The following STXBP4 variants were observed in gnomAD, a reference collection of about 807,000 sequenced individuals.
The protein encoded by STXBP4 is syntaxin binding protein 4.
Under a neutral mutation model 76.1 loss-of-function variants are expected in STXBP4, and 55 were observed. That is an observed-to-expected ratio of 0.72 (90% CI 0.58 to 0.91). The LOEUF (loss-of-function observed/expected upper bound fraction) is 0.91, where lower values mean the gene tolerates loss of function less well. STXBP4 is among the 40% of genes least tolerant of loss of function. The probability of loss-of-function intolerance (pLI) is 0.00; values close to 1 mark genes in which losing one functional copy is unlikely to be tolerated. For missense variants in STXBP4, 618 were observed against 636.9 expected (o/e 0.97, Z 0.32); for synonymous variants, 201 against 220.2 (o/e 0.91, Z 0.77).
chr17:55,061,306 G>C (rs1192348481), intron 12 of STXBP4, among the ~76,000 whole-genome samples: 1 of 152,162 alleles, frequency 6.6e-6, no homozygotes, highest in African/African-American at 2.4e-5. Flanking sequence ...TTTAAAGATT[G>C]TGTTTCTTGT....
At chr17:54,994,060 G>T (rs369826385) in intron 4 of STXBP4, among the ~76,000 whole-genome samples, 25 of 152,194 alleles carry the variant, frequency 1.6e-4, no homozygotes, top group African/African-American at 6.0e-4. Flanking sequence ...GTTCAAATAT[G>T]GGATATTATG....
intron 10 of STXBP4, among the ~76,000 whole-genome samples, chr17:55,038,256 T>C (rs1318546883): frequency 6.6e-6 from 1 of 152,144 alleles, no homozygotes; most frequent in Non-Finnish European, 1.5e-5. Context: ...GTGTCTCACA[T>C]GGAATCACCA....
At chr17:54,986,365 G>A (rs562029499) in intron 3 of STXBP4, 99 bp downstream of exon 3, 48 of 869,912 alleles carry the variant, frequency 5.5e-5, no homozygotes, top group Non-Finnish European at 7.9e-5. Flanking sequence ...GCTCTCTAAT[G>A]TGGTCTAGGA....
intron 16 of STXBP4, among the ~76,000 whole-genome samples, chr17:55,110,298 T>A (rs1228599540): frequency 3.3e-5 from 5 of 152,228 alleles, no homozygotes; most frequent in Non-Finnish European, 7.3e-5. Context: ...ATCTACAACC[T>A]TAATTTTCCT....
intron 7 of STXBP4, among the ~76,000 whole-genome samples, chr17:55,003,331 TTAAG>T (rs1272842364): frequency 1.3e-5 from 2 of 152,140 alleles, no homozygotes; most frequent in African/African-American, 4.8e-5. Context: ...AAAAATATAT[TTAAG>T]TAAGTTATAG....
In STXBP4 at chr17:54,990,860, A is replaced by G; in HGVS notation, c.83A>G (p.Glu28Gly). The change falls in exon 4 of 18, where the codon GAA (glutamate) becomes GGA (glycine). Residue 28 changes from glutamate (E) to glycine (G), a missense_variant. Transcript: ENST00000376352. ...PAFQMITIAK[E>G]TGLGLKVLGG... ...TTTCAGATGATTACAATTGCCAAGG[A>G]AACAGGCCTTGGCCTGAAGGTACTA... The G allele has an allele frequency of 1.2e-6, 2 of 1,604,948 alleles. No homozygotes were observed. Among genetic ancestry groups the G allele is most frequent in the South Asian group, 1.1e-5 (1 of 89,198 alleles).
intron 8 of STXBP4, among the ~76,000 whole-genome samples, chr17:55,025,716 A>G (rs2078399481): frequency 6.6e-6 from 1 of 152,232 alleles, no homozygotes; most frequent in Non-Finnish European, 1.5e-5. Context: ...GTTCCTTCCT[A>G]ACATCAGGAA....
At chr17:54,982,153 A>G (rs927684112) in intron 1 of STXBP4, among the ~76,000 whole-genome samples, 17 of 152,192 alleles carry the variant, frequency 1.1e-4, no homozygotes, top group African/African-American at 4.1e-4. Flanking sequence ...AATATTTACT[A>G]TAATTTCTGG....
chr17:55,096,287 C>A (rs1402480560), intron 16 of STXBP4, among the ~76,000 whole-genome samples: 1 of 152,136 alleles, frequency 6.6e-6, no homozygotes. Flanking sequence ...TCCTAAGTAG[C>A]TGGAACTGCA....
At chr17:55,178,573 C>G (rs1403430220), downstream of STXBP4, among the ~76,000 whole-genome samples, 1 of 152,122 alleles carries the variant, frequency 6.6e-6, no homozygotes, top group South Asian at 2.1e-4. Flanking sequence ...TCCAGAGAAC[C>G]AATAGGAGAT....
intron 16 of STXBP4, among the ~76,000 whole-genome samples, chr17:55,139,610 T>A (rs2080072624): frequency 6.6e-6 from 1 of 152,132 alleles, no homozygotes; most frequent in Non-Finnish European, 1.5e-5. Flanking sequence ...CTACTTGAAC[T>A]GGTGCAGCAG....
the STXBP4 span, among the ~76,000 whole-genome samples, chr17:55,182,821 T>C: frequency 6.6e-6 from 1 of 152,106 alleles, no homozygotes; most frequent in East Asian, 1.9e-4. Flanking sequence ...ACAAAAAACA[T>C]TGCCAACTTA....
In STXBP4 at chr17:55,034,610, C is replaced by T. The variant is rs530323098; in HGVS notation, c.855+351C>T. Among the ~76,000 whole-genome samples the T allele has an allele frequency of 4.6e-5, 7 of 152,122 alleles. No homozygotes were observed. The South Asian group carries it at 1.5e-3, about 32-fold the overall frequency. ...TCTCTATAATATACACATAGAAAAG[C>T]ACCTATATAATGTATATATACTATG... On this transcript the variant is annotated intron_variant, in intron 10 of 17. Coordinates refer to ENST00000376352, the MANE Select transcript of STXBP4 (RefSeq NM_178509.6).
intron 2 of STXBP4, 64 bp from the exon 3 acceptor site, chr17:54,986,078 C>T: frequency 1.4e-6 from 1 of 695,856 alleles, no homozygotes; most frequent in East Asian, 2.6e-5. Flanking sequence ...TTTTTATGAA[C>T]AGTTGGAATC....
intron 1 of STXBP4, among the ~76,000 whole-genome samples, chr17:54,975,268 A>G (rs12452486): frequency 0.13 from 20,215 of 152,196 alleles, 1,760 homozygotes; most frequent in East Asian, 0.35. Context: ...CCTCCTGAGT[A>G]GTAGCTGGGA....
At position 55,055,742 on chromosome 17, in the gene STXBP4, C is replaced by G. The variant is rs2078916335; in HGVS notation, c.1011+8588C>G. 2.0e-5 allele frequency among the ~76,000 whole-genome samples: 3 copies of G among 152,200 alleles called. No homozygotes were observed. In the South Asian group the frequency reaches 6.2e-4, roughly 32 times the overall value. On this transcript the variant is annotated intron_variant, in intron 12 of 17. Coordinates refer to ENST00000376352, the MANE Select transcript of STXBP4 (RefSeq NM_178509.6). The stretch of plus-strand genomic sequence containing the variant: ...CTCTTTCCACACTTCTCCCCTCCAC[C>G]CCTTTACTCATTCTCCAGCTCATCT...
rs2077622296 is a variant in STXBP4 at position 54,986,030 on chromosome 17, ACAGGC to A, written c.-78-111_-78-107del. ...CATACAATACATCTAACATCTATAT[ACAGGC>A]TTATATTATTTATGTTCCAAGTGTA... On this transcript the variant is annotated intron_variant, in intron 2 of 17. Coordinates refer to ENST00000376352, the MANE Select transcript of STXBP4 (RefSeq NM_178509.6). 3 of 592,610 alleles carry A rather than the reference ACAGGC, an allele frequency of 5.1e-6. No individual in the cohort carries two copies. In the African/African-American group the frequency reaches 5.7e-5, roughly 11 times the overall value. The allele number at this position is 592,610 out of a possible 1,614,324, so 36.7% of individuals were successfully genotyped here. A position where few individuals can be genotyped will look rare whatever the true frequency, so the allele number is the denominator to read the frequency against.
intron 16 of STXBP4, among the ~76,000 whole-genome samples, chr17:55,130,151 A>C (rs2079958825): frequency 6.6e-6 from 1 of 152,216 alleles, no homozygotes; most frequent in Admixed American, 6.5e-5. Flanking sequence ...CAACAACATC[A>C]AAAAATTAAT....
At chr17:55,111,894 G>C (rs546736194) in intron 16 of STXBP4, among the ~76,000 whole-genome samples, 1 of 134,846 alleles carries the variant, frequency 7.4e-6, no homozygotes, top group African/African-American at 3.0e-5. Context: ...ATTTTATTCA[G>C]GGTTTGTTTG....
Sources: gnomAD v4.1 joint callset for allele counts (sites outside exome capture counted in the v4.1 genomes callset) on GRCh38, gnomAD v4.1.1 for gene constraint, MANE v1.5 for transcripts, NCBI Gene and HGNC (gene_info 2026-07-23, HGNC 2026-07-21) for gene names.